Variants in PRKN observed in about 807,000 individuals in gnomAD.
PRKN encodes the protein parkin RBR E3 ubiquitin protein ligase.
In PRKN, 56 loss-of-function variants were observed where a neutral mutation model predicts 59.5. The ratio of observed to expected loss-of-function variants is 0.94; its 90% confidence interval spans 0.76 to 1.18. The LOEUF is 1.18. Ranked by LOEUF, PRKN falls within the 50% of genes most tolerant of loss-of-function variation. PRKN has a pLI of 0.00. For missense variants in PRKN, 657 were observed against 596.4 expected (o/e 1.10, Z -1.06); for synonymous variants, 250 against 222.1 (o/e 1.13, Z -1.12).
intron 9 of PRKN, among the ~76,000 whole-genome samples, chr6:161,481,449 A>C (rs932179770): frequency 2.0e-5 from 3 of 152,000 alleles, no homozygotes; most frequent in Non-Finnish European, 4.4e-5. Flanking sequence ...CTAAAAATAC[A>C]AAAAATTAGC....
intron 6 of PRKN, among the ~76,000 whole-genome samples, chr6:161,839,826 G>A (rs879766753): frequency 2.6e-5 from 4 of 152,164 alleles, no homozygotes; most frequent in Non-Finnish European, 5.9e-5. Flanking sequence ...AAATCAGAAG[G>A]CACATACCCG....
intron 1 of PRKN, among the ~76,000 whole-genome samples, chr6:162,588,168 C>T (rs932273694): frequency 1.3e-5 from 2 of 151,558 alleles, no homozygotes; most frequent in African/African-American, 4.8e-5. Context: ...ATGCCGCCAT[C>T]CCTAACTAAT....
At chr6:161,716,141 T>G in intron 7 of PRKN, 2 of 1,333,784 alleles carry the variant, frequency 1.5e-6, no homozygotes, top group Non-Finnish European at 2.0e-6. Context: ...CCTGGTCAAA[T>G]AGAATACAGA....
At chr6:162,497,869 A>C (rs949381933) in intron 1 of PRKN, among the ~76,000 whole-genome samples, 2 of 152,200 alleles carry the variant, frequency 1.3e-5, no homozygotes, top group Admixed American at 1.3e-4. Context: ...TATAGTTAAC[A>C]ATCATTTATT....
chr6:162,035,627 G>C (rs142428121), intron 5 of PRKN, among the ~76,000 whole-genome samples: 25 of 152,264 alleles, frequency 1.6e-4, no homozygotes, highest in African/African-American at 5.8e-4. Flanking sequence ...CAGCAATTTG[G>C]AGAATTTACT....
intron 6 of PRKN, among the ~76,000 whole-genome samples, chr6:161,820,127 A>C (rs1376290808): frequency 6.6e-6 from 1 of 152,144 alleles, no homozygotes; most frequent in Non-Finnish European, 1.5e-5. Flanking sequence ...ATAGTAATTT[A>C]AACTTTTTTA....
intron 4 of PRKN, among the ~76,000 whole-genome samples, chr6:162,058,909 A>G (rs143831411): frequency 0.14 from 20,916 of 149,260 alleles, 1,680 homozygotes; most frequent in African/African-American, 0.21. Context: ...CCGAGATCAC[A>G]CCACTGCACT....
At chr6:162,627,431 G>A (rs1044531933) in intron 1 of PRKN, among the ~76,000 whole-genome samples, 1 of 152,128 alleles carries the variant, frequency 6.6e-6, no homozygotes, top group Non-Finnish European at 1.5e-5. Context: ...AGAGCTCTAC[G>A]CTGCCTACTT....
At position 161,462,124 on chromosome 6, in the gene PRKN, T is replaced by A. The variant is rs1790251013; in HGVS notation, c.1084-75247A>T. ...CCACCTGCAATGAGCGGGGACTCACTACGGTAGGGACCTACACATGCTTTG... is the reference window on the plus strand; with the variant it reads ...CCACCTGCAATGAGCGGGGACTCACAACGGTAGGGACCTACACATGCTTTG... On this transcript the variant is annotated intron_variant, in intron 9 of 11. Transcript: ENST00000366898. This position sits in a 1 kb window ranked among gnomAD's most constrained non-coding sequence, Gnocchi z 4.5. Among the ~76,000 whole-genome samples the A allele has an allele frequency of 6.6e-6, 1 of 151,898 alleles. No homozygotes were observed. Among genetic ancestry groups the A allele is most frequent in the African/African-American group, 2.4e-5 (1 of 41,316 alleles).
intron 7 of PRKN, among the ~76,000 whole-genome samples, chr6:161,571,119 A>G (rs1780871629): frequency 6.6e-6 from 1 of 151,640 alleles, no homozygotes; most frequent in South Asian, 2.1e-4. Context: ...TTTTTTCCTA[A>G]TTTTTTGTAG....
intron 1 of PRKN, among the ~76,000 whole-genome samples, chr6:162,716,296 A>G (rs771389456): frequency 2.7e-4 from 41 of 152,252 alleles, no homozygotes; most frequent in Non-Finnish European, 3.7e-4. Context: ...AAGAAACCAA[A>G]TTCTATGCTG....
At chr6:161,494,944 C>G (rs1777689384) in intron 9 of PRKN, among the ~76,000 whole-genome samples, 1 of 152,160 alleles carries the variant, frequency 6.6e-6, no homozygotes, top group Non-Finnish European at 1.5e-5. Flanking sequence ...TTCTTGCCCT[C>G]TACACCGTTA....
intron 7 of PRKN, among the ~76,000 whole-genome samples, chr6:161,762,149 C>G (rs1789230088): frequency 6.6e-6 from 1 of 152,158 alleles, no homozygotes; most frequent in Admixed American, 6.5e-5. Flanking sequence ...AGAAAGAAAA[C>G]TAGGCTGATG....
intron 6 of PRKN, among the ~76,000 whole-genome samples, chr6:161,861,434 G>A (rs969114819): frequency 6.6e-6 from 1 of 152,112 alleles, no homozygotes; most frequent in Non-Finnish European, 1.5e-5. Flanking sequence ...GGGCAATGGG[G>A]GGTAAAGGCA....
At chr6:161,511,904 G>A (rs898746436) in intron 9 of PRKN, among the ~76,000 whole-genome samples, 5 of 152,094 alleles carry the variant, frequency 3.3e-5, no homozygotes, top group South Asian at 2.1e-4. Flanking sequence ...GACAGCTCCC[G>A]CAGTTCCATT....
intron 4 of PRKN, among the ~76,000 whole-genome samples, chr6:162,098,228 C>T (rs1779826408): frequency 6.6e-6 from 1 of 152,116 alleles, no homozygotes; most frequent in Non-Finnish European, 1.5e-5. Context: ...CTGCAAAACA[C>T]TATTATGTGC....
chr6:162,386,066 C>T (rs984306682), intron 2 of PRKN, among the ~76,000 whole-genome samples: 1 of 151,968 alleles, frequency 6.6e-6, no homozygotes, highest in African/African-American at 2.4e-5. Flanking sequence ...TATGCAGATG[C>T]AGGATACATA....
At chr6:162,197,306 T>A (rs189428404) in intron 4 of PRKN, among the ~76,000 whole-genome samples, 1 of 152,304 alleles carries the variant, frequency 6.6e-6, no homozygotes, top group African/African-American at 2.4e-5. Context: ...GAAATATTAT[T>A]TGTAGGTGTT....
chr6:162,143,709 G>A (rs1043961447), intron 4 of PRKN, among the ~76,000 whole-genome samples: 3 of 152,102 alleles, frequency 2.0e-5, no homozygotes, highest in Non-Finnish European at 4.4e-5. Context: ...AATAGCACAG[G>A]GTATAATGAG....
Sources: gnomAD v4.1 joint callset for allele counts (sites outside exome capture counted in the v4.1 genomes callset) on GRCh38, gnomAD v4.1.1 for gene constraint, Gnocchi (gnomAD v3.1) non-coding constraint, MANE v1.5 for transcripts, NCBI Gene and HGNC (gene_info 2026-07-23, HGNC 2026-07-21) for gene names.